SBF2: variants seen among roughly 807,000 people sequenced by gnomAD.
SBF2 encodes the protein myotubularin-related protein 13.
A neutral mutation model predicts 225.2 loss-of-function variants in SBF2; 112 were observed. The ratio of observed to expected loss-of-function variants is 0.50; its 90% CI spans 0.43 to 0.58. The LOEUF is 0.58. Among genes scored for constraint, SBF2 ranks in the 20% least tolerant of loss-of-function variants. The pLI, the probability that SBF2 is intolerant of heterozygous loss-of-function variation, is 0.00. For synonymous variants in SBF2, 763 were observed against 773.3 expected, an observed-to-expected ratio of 0.99 and a Z score of 0.22; for missense variants, 1,996 against 2,206.2, an observed-to-expected ratio of 0.90 and a Z score of 1.91.
chr11:9,804,453 G>A (rs405449), intron 32 of SBF2, among the ~76,000 whole-genome samples: 129,404 of 152,174 alleles, frequency 0.85, 55,392 homozygotes, highest in Non-Finnish European at 0.89. Context: ...TTATTGAAGT[G>A]TTATTTAAAA....
chr11:9,921,122 G>C (rs553554227), intron 16 of SBF2, among the ~76,000 whole-genome samples: 1 of 139,730 alleles, frequency 7.2e-6, no homozygotes, highest in African/African-American at 2.7e-5. Context: ...CCAGGCTGGA[G>C]TACAATGGCT....
intron 17 of SBF2, among the ~76,000 whole-genome samples, chr11:9,891,923 T>A (rs556473352): frequency 6.6e-6 from 1 of 152,298 alleles, no homozygotes; most frequent in South Asian, 2.1e-4. Context: ...GCTAATGAAA[T>A]ATCCTGCTCA....
intron 28 of SBF2, among the ~76,000 whole-genome samples, chr11:9,817,742 CA>C (rs1161708572): frequency 0.011 from 649 of 57,326 alleles, 5 homozygotes; most frequent in African/African-American, 0.042. Context: ...CCGTCTCTAC[CA>C]AAAAAAAAAA....
At chr11:10,055,572 C>CAG (rs57652908) in intron 2 of SBF2, among the ~76,000 whole-genome samples, 1 of 126,922 alleles carries the variant, frequency 7.9e-6, no homozygotes, top group African/African-American at 2.9e-5. Context: ...CACACACACA[C>CAG]CATGGAATAC....
intron 28 of SBF2, among the ~76,000 whole-genome samples, chr11:9,822,300 A>G (rs370362853): frequency 6.1e-4 from 81 of 133,564 alleles, no homozygotes; most frequent in African/African-American, 1.5e-3. Flanking sequence ...TCGCTCTGTC[A>G]CCCAGGCTGG....
chr11:10,201,877 T>TA (rs953605654), intron 1 of SBF2, among the ~76,000 whole-genome samples: 1 of 152,034 alleles, frequency 6.6e-6, no homozygotes, highest in African/African-American at 2.4e-5. Flanking sequence ...TCATCTCAAA[T>TA]AAAAAAATGC....
chr11:10,124,009 G>A (rs938724280), intron 2 of SBF2, among the ~76,000 whole-genome samples: 1 of 152,174 alleles, frequency 6.6e-6, no homozygotes. Context: ...CTAATAGTTA[G>A]TTATAGAAAC....
At chr11:10,276,462 C>T (rs1358432449) in intron 1 of SBF2, among the ~76,000 whole-genome samples, 2 of 152,176 alleles carry the variant, frequency 1.3e-5, no homozygotes, top group African/African-American at 2.4e-5. Context: ...TAGTTCTCTT[C>T]TTATGGTCCC....
intron 2 of SBF2, among the ~76,000 whole-genome samples, chr11:10,097,344 C>T (rs1235927526): frequency 3.9e-5 from 6 of 152,274 alleles, no homozygotes; most frequent in African/African-American, 1.2e-4. Context: ...TTATAAATTA[C>T]TGTCTGTAGT....
chr11:9,912,566 T>C (rs1862729514), intron 16 of SBF2, among the ~76,000 whole-genome samples: 1 of 151,982 alleles, frequency 6.6e-6, no homozygotes, highest in African/African-American at 2.4e-5. Flanking sequence ...TGGGCAAACA[T>C]AGCAAGACTC....
Position 9,993,937 on chromosome 11 carries a change from G to C in SBF2, c.1037C>G (p.Ser346Cys). Residue 346 changes from serine (S) to cysteine (C), a missense_variant, in exon 10 of 40, where the codon TCC becomes TGC. Physicochemically the swap from Ser to Cys is moderately radical, Grantham distance 112. Transcript: ENST00000256190. ...ACTTCTTACCAGCATTTTTGAGTGG[G>C]ATAAAGCTGTTCGTGGAGGAGGAAA... Reference protein sequence around the residue: ...HAFPPPRTALSHSKMLDKEVR... With the variant: ...HAFPPPRTALCHSKMLDKEVR... 1.5e-6 allele frequency: 2 copies of C among 1,298,398 alleles called. No individual in the cohort carries two copies. Among genetic ancestry groups the C allele is most frequent in the Non-Finnish European group, 2.2e-6 (2 of 891,842 alleles). 80.4% of individuals were successfully genotyped at this position (1,298,398 alleles called of 1,614,324 possible).
chr11:10,163,156 A>G (rs1565302991), intron 2 of SBF2, among the ~76,000 whole-genome samples: 1 of 152,200 alleles, frequency 6.6e-6, no homozygotes. Flanking sequence ...AGCTAAACAC[A>G]GTGTCCAGAT....
intron 2 of SBF2, among the ~76,000 whole-genome samples, chr11:10,093,565 G>A (rs1237290810): frequency 2.0e-5 from 3 of 151,918 alleles, no homozygotes; most frequent in South Asian, 2.1e-4. Context: ...TATCACATAC[G>A]ATGTACATAT....
intron 2 of SBF2, among the ~76,000 whole-genome samples, chr11:10,095,230 G>A (rs1039343862): frequency 2.6e-5 from 4 of 151,820 alleles, no homozygotes; most frequent in African/African-American, 4.8e-5. Context: ...GCCTATATTT[G>A]GTTTTTAAGG....
chr11:10,214,956 G>C (rs943460288), intron 1 of SBF2, among the ~76,000 whole-genome samples: 1 of 152,190 alleles, frequency 6.6e-6, no homozygotes, highest in Non-Finnish European at 1.5e-5. Flanking sequence ...GAGTGACTGA[G>C]CTCCTAGAAA....
At chr11:10,070,228 G>A (rs543270403) in intron 2 of SBF2, among the ~76,000 whole-genome samples, 84 of 152,206 alleles carry the variant, frequency 5.5e-4, no homozygotes, top group Admixed American at 2.0e-3. Flanking sequence ...TGAAGTCCTC[G>A]CCCATGCCTA....
chr11:10,196,348 A>C (rs1032138527), intron 1 of SBF2, among the ~76,000 whole-genome samples: 3 of 152,184 alleles, frequency 2.0e-5, no homozygotes, highest in African/African-American at 7.2e-5. Context: ...TCTGAAAGCC[A>C]TACTAATGTA....
intron 32 of SBF2, among the ~76,000 whole-genome samples, chr11:9,797,760 G>A (rs953505773): frequency 6.6e-6 from 1 of 152,212 alleles, no homozygotes; most frequent in African/African-American, 2.4e-5. Context: ...CTCGAGGCCA[G>A]GAGTTTGAGA....
chr11:10,036,009 C>T (rs1311292440), intron 3 of SBF2, among the ~76,000 whole-genome samples: 1 of 152,132 alleles, frequency 6.6e-6, no homozygotes, highest in Non-Finnish European at 1.5e-5. Flanking sequence ...TTAGAATGAA[C>T]CCATATGTCC....
Sources: allele counts gnomAD v4.1 joint callset (sites outside exome capture counted in the v4.1 genomes callset), GRCh38; gene constraint gnomAD v4.1.1; transcripts MANE v1.5; gene names NCBI Gene and HGNC (gene_info 2026-07-23, HGNC 2026-07-21).